Variants in ADAMTS18 observed in about 807,000 individuals in gnomAD.
ADAMTS18 encodes the protein A disintegrin and metalloproteinase with thrombospondin motifs 18.
Under a neutral mutation model 165.9 loss-of-function variants are expected in ADAMTS18, and 157 were observed. The observed-to-expected ratio is 0.95, with a 90% CI of 0.83 to 1.08. The LOEUF (loss-of-function observed/expected upper bound fraction) is 1.08. Among genes scored for constraint, ADAMTS18 ranks in the 50% least tolerant of loss-of-function variants. The pLI, the probability that ADAMTS18 is intolerant of heterozygous loss-of-function variation, is 0.00. For synonymous variants in ADAMTS18, 782 were observed against 578.2 expected (o/e 1.35, Z -5.06); for missense variants, 2,040 against 1,534.0 (o/e 1.33, Z -5.51).
intron 16 of ADAMTS18, among the ~76,000 whole-genome samples, chr16:77,312,955 A>G (rs2055810843): frequency 1.3e-5 from 2 of 152,326 alleles, no homozygotes; most frequent in South Asian, 2.1e-4. Context: ...TATATACCCA[A>G]AGGATTATAA....
At chr16:77,392,321 C>A (rs77681281) in intron 3 of ADAMTS18, among the ~76,000 whole-genome samples, 3 of 152,140 alleles carry the variant, frequency 2.0e-5, no homozygotes, top group Middle Eastern at 3.2e-3. Context: ...GTGCCCATCC[C>A]TCATTAACTG....
chr16:77,391,456 C>T (rs1032824289), intron 3 of ADAMTS18, among the ~76,000 whole-genome samples: 2 of 150,882 alleles, frequency 1.3e-5, no homozygotes, highest in East Asian at 1.9e-4. Flanking sequence ...CACACCACTG[C>T]ACTCCAGCCT....
In ADAMTS18 at chr16:77,356,013, G is replaced by A; in HGVS notation, c.1387C>T (p.Pro463Ser). ...ACTCCATTGTTTCCGGTCAGTGTGG[G>A]AGACATGATATTGCCTTCAGCCTTT... ...CRKAEGNIMSPTLTGNNGVFS... is the reference protein window; with the variant it reads ...CRKAEGNIMSSTLTGNNGVFS... The change falls in exon 9 of 23, where the codon CCC (proline) becomes TCC (serine). Residue 463 changes from proline (P) to serine (S), a missense_variant. Transcript: ENST00000282849. The A allele has an allele frequency of 6.2e-7, 1 of 1,614,082 alleles. No homozygotes were observed. Among genetic ancestry groups the A allele is most frequent in the Non-Finnish European group, 8.5e-7 (1 of 1,179,982 alleles).
chr16:77,421,675 T>A (rs1469862437), intron 3 of ADAMTS18, among the ~76,000 whole-genome samples: 1 of 152,204 alleles, frequency 6.6e-6, no homozygotes, highest in Admixed American at 6.5e-5. Flanking sequence ...GTGGCTAATA[T>A]CACTGTTGGT....
At chr16:77,392,990 GA>G (rs769369673) in intron 3 of ADAMTS18, among the ~76,000 whole-genome samples, 8 of 150,436 alleles carry the variant, frequency 5.3e-5, no homozygotes, top group Admixed American at 6.6e-5. Context: ...AGGCAGTAAA[GA>G]AAAAAAAAGG....
At chr16:77,288,863 G>A (rs1054336393) in intron 22 of ADAMTS18, among the ~76,000 whole-genome samples, 1 of 152,130 alleles carries the variant, frequency 6.6e-6, no homozygotes, top group Non-Finnish European at 1.5e-5. Flanking sequence ...AGTAAACCCA[G>A]AACTTGAGGC....
intron 2 of ADAMTS18, among the ~76,000 whole-genome samples, chr16:77,433,035 A>G (rs1274627375): frequency 1.3e-5 from 2 of 152,186 alleles, no homozygotes; most frequent in Admixed American, 6.5e-5. Flanking sequence ...AATGGGGGGA[A>G]AAGTTTTTCC....
At chr16:77,367,058 A>G (rs2056805481) in intron 4 of ADAMTS18, among the ~76,000 whole-genome samples, 2 of 152,126 alleles carry the variant, frequency 1.3e-5, no homozygotes, top group Non-Finnish European at 2.9e-5. Context: ...CTCACATGCT[A>G]ATGTTCTTGT....
intron 3 of ADAMTS18, among the ~76,000 whole-genome samples, chr16:77,393,983 G>A (rs2057224411): frequency 6.6e-6 from 1 of 152,212 alleles, no homozygotes; most frequent in African/African-American, 2.4e-5. Context: ...CATACATGTG[G>A]TCTAATTGGA....
At chr16:77,389,444 T>A (rs926407962) in intron 3 of ADAMTS18, among the ~76,000 whole-genome samples, 1 of 152,196 alleles carries the variant, frequency 6.6e-6, no homozygotes, top group Admixed American at 6.5e-5. Context: ...AAAACTCCTC[T>A]CATGACAGTG....
chr16:77,285,455 G>A (rs1567450332), intron 22 of ADAMTS18, among the ~76,000 whole-genome samples: 1 of 139,896 alleles, frequency 7.1e-6, no homozygotes, highest in Non-Finnish European at 1.5e-5. Flanking sequence ...TTACAGGTGT[G>A]AGGCACACCC....
intron 22 of ADAMTS18, among the ~76,000 whole-genome samples, chr16:77,284,992 G>A (rs1455012379): frequency 1.3e-5 from 2 of 152,198 alleles, no homozygotes; most frequent in African/African-American, 4.8e-5. Flanking sequence ...CAGTTTGCAA[G>A]TAAATAAATT....
chr16:77,378,199 GGTATA>G (rs1314743167), intron 3 of ADAMTS18, among the ~76,000 whole-genome samples: 1 of 151,896 alleles, frequency 6.6e-6, no homozygotes, highest in Non-Finnish European at 1.5e-5. Context: ...GGTGGCATGT[GGTATA>G]GTCCCAGCTA....
chr16:77,344,602 C>G (rs1268358276), intron 10 of ADAMTS18, among the ~76,000 whole-genome samples: 3 of 152,212 alleles, frequency 2.0e-5, no homozygotes, highest in South Asian at 2.1e-4. Context: ...AAGCCATAAC[C>G]CACACCCAGT....
intron 4 of ADAMTS18, 64 bp from the exon 5 acceptor site, chr16:77,364,445 G>C (rs1321988819): frequency 9.7e-6 from 15 of 1,542,852 alleles, no homozygotes; most frequent in Non-Finnish European, 1.3e-5. Context: ...ACAGTTGAGA[G>C]AGAAACTGAA....
chr16:77,327,238 A>G (rs1200038118), intron 12 of ADAMTS18, among the ~76,000 whole-genome samples: 1 of 152,164 alleles, frequency 6.6e-6, no homozygotes, highest in Admixed American at 6.6e-5. Flanking sequence ...GTTACATAAA[A>G]AAGTTCTTTA....
At chr16:77,379,011 A>C (rs2056993657) in intron 3 of ADAMTS18, 1 of 152,120 alleles carries the variant, frequency 6.6e-6, no homozygotes, top group Admixed American at 6.6e-5. Flanking sequence ...AAATTCTTAC[A>C]GAAGTAACTG....
At chr16:77,353,024 G>A (rs918641635) in intron 10 of ADAMTS18, among the ~76,000 whole-genome samples, 1 of 152,100 alleles carries the variant, frequency 6.6e-6, no homozygotes, top group Non-Finnish European at 1.5e-5. Flanking sequence ...AGCTTGCAGT[G>A]AGCCAAGATC....
chr16:77,326,128 G>C (rs891333679), intron 12 of ADAMTS18, 90 bp from the exon 13 acceptor site: 4 of 1,257,546 alleles, frequency 3.2e-6, no homozygotes, highest in Non-Finnish European at 4.6e-6. Context: ...CAATGAAGAT[G>C]AGCACTGCCA....
Sources: allele counts gnomAD v4.1 joint callset (sites outside exome capture counted in the v4.1 genomes callset), GRCh38; gene constraint gnomAD v4.1.1; transcripts MANE v1.5; gene names NCBI Gene and HGNC (gene_info 2026-07-23, HGNC 2026-07-21).